COLEC10: variants seen among roughly 807,000 people sequenced by gnomAD.
The protein encoded by COLEC10 is collectin subfamily member 10, also known as collectin-10.
In COLEC10, 22 loss-of-function variants were observed where a neutral mutation model predicts 28.4. That is an observed-to-expected ratio of 0.78 (90% CI 0.55 to 1.11). The LOEUF is 1.11. Ranked by LOEUF, COLEC10 falls within the 50% of genes least tolerant of loss-of-function variation. COLEC10 has a pLI of 0.00. For missense variants in COLEC10, 361 were observed against 344.1 expected (o/e 1.05, Z -0.39); for synonymous variants, 125 against 116.1 (o/e 1.08, Z -0.49).
chr8:119,059,367 A>G (rs1361479718), intron 2 of COLEC10, among the ~76,000 whole-genome samples: 1 of 151,924 alleles, frequency 6.6e-6, no homozygotes, highest in Non-Finnish European at 1.5e-5. Context: ...GATACATTTC[A>G]GTAAATTTTT....
At chr8:119,080,843 A>T (rs1313210107) in intron 1 of COLEC10, among the ~76,000 whole-genome samples, 4 of 152,168 alleles carry the variant, frequency 2.6e-5, no homozygotes, top group South Asian at 4.1e-4. Context: ...GATGTCATAC[A>T]TACACAAATA....
chr8:118,994,477 A>G (rs553431130), upstream of COLEC10, among the ~76,000 whole-genome samples: 20 of 152,346 alleles, frequency 1.3e-4, no homozygotes, highest in African/African-American at 3.8e-4. Context: ...ACTTAGTGCT[A>G]TGTGTCAGCC....
the COLEC10 span, among the ~76,000 whole-genome samples, chr8:118,964,768 C>T: frequency 6.6e-6 from 1 of 152,164 alleles, no homozygotes; most frequent in Non-Finnish European, 1.5e-5. Flanking sequence ...CAGCCCTGTA[C>T]CCTGAACTTC....
the COLEC10 span, among the ~76,000 whole-genome samples, chr8:118,966,525 T>G: frequency 6.6e-6 from 1 of 152,184 alleles, no homozygotes; most frequent in Non-Finnish European, 1.5e-5. Context: ...CATAGCACAC[T>G]GATCCTTTGA....
At chr8:119,067,479 C>A in intron 1 of COLEC10, 50 bp downstream of exon 1, 1 of 1,545,544 alleles carries the variant, frequency 6.5e-7, no homozygotes, top group Non-Finnish European at 8.9e-7. Flanking sequence ...TGATATCTTC[C>A]CTCATCTCTG....
chr8:118,977,195 T>C, the COLEC10 span, among the ~76,000 whole-genome samples: 1 of 144,382 alleles, frequency 6.9e-6, no homozygotes, highest in African/African-American at 2.5e-5. Context: ...AGTGTGGCGA[T>C]TCCTCAGGGA....
At chr8:119,092,582 T>A (rs992316168) in intron 3 of COLEC10, among the ~76,000 whole-genome samples, 1 of 152,126 alleles carries the variant, frequency 6.6e-6, no homozygotes, top group East Asian at 1.9e-4. Context: ...AAGACATTCA[T>A]AGACTATTCA....
intron 2 of COLEC10, among the ~76,000 whole-genome samples, chr8:119,028,196 G>A (rs1814227844): frequency 6.6e-6 from 1 of 151,362 alleles, no homozygotes; most frequent in African/African-American, 2.4e-5. Context: ...AGTGTGTCTG[G>A]CATATTAAAT....
rs866395255 is a variant in COLEC10 at position 119,039,701 on chromosome 8, G to A, written n.235+30148G>A. On this transcript the variant is annotated intron_variant and non_coding_transcript_variant, in intron 2 of 6. Transcript: ENST00000521788. ...GAGTCTCTGTTCTGAAGGTTCTGGG[G>A]GACATTCCATTTCCTTGCCTTGTCT... 2.6e-4 allele frequency among the ~76,000 whole-genome samples: 39 copies of A among 152,276 alleles called. 1 individual carries two copies. Among genetic ancestry groups the A allele is most frequent in the Middle Eastern group, 6.8e-3 (2 of 294 alleles).
chr8:119,059,442 G>A (rs1263533258), intron 2 of COLEC10, among the ~76,000 whole-genome samples: 1 of 151,778 alleles, frequency 6.6e-6, no homozygotes, highest in African/African-American at 2.4e-5. Flanking sequence ...AATTTTTCCA[G>A]CATCATTTGT....
At chr8:119,020,845 A>G (rs1355071890) in intron 2 of COLEC10, among the ~76,000 whole-genome samples, 1 of 152,142 alleles carries the variant, frequency 6.6e-6, no homozygotes, top group Non-Finnish European at 1.5e-5. Flanking sequence ...CCCTTTTATT[A>G]TGCTATATTT....
chr8:119,075,868 C>T (rs1815218650), intron 1 of COLEC10, among the ~76,000 whole-genome samples: 1 of 147,796 alleles, frequency 6.8e-6, no homozygotes, highest in South Asian at 2.2e-4. Context: ...GATGTCATCT[C>T]ATCTCAAGAA....
chr8:118,970,112 G>A, the COLEC10 span, among the ~76,000 whole-genome samples: 8 of 152,024 alleles, frequency 5.3e-5, no homozygotes, highest in African/African-American at 1.7e-4. Flanking sequence ...TAATTTCAAT[G>A]AGCATTACCT....
At chr8:118,983,372 A>C in the COLEC10 span, among the ~76,000 whole-genome samples, 3 of 152,154 alleles carry the variant, frequency 2.0e-5, no homozygotes, top group Admixed American at 2.0e-4. Flanking sequence ...TTACAGTGTC[A>C]GTGTGATATG....
At chr8:119,083,032 T>C (rs1815398232) in intron 1 of COLEC10, among the ~76,000 whole-genome samples, 1 of 152,134 alleles carries the variant, frequency 6.6e-6, no homozygotes, top group Admixed American at 6.6e-5. Flanking sequence ...TATCTAGTGT[T>C]TGTACTAGTA....
chr8:118,979,566 A>T, the COLEC10 span, among the ~76,000 whole-genome samples: 1 of 152,062 alleles, frequency 6.6e-6, no homozygotes, highest in African/African-American at 2.4e-5. Context: ...GTAAACATAA[A>T]ACTAATATTT....
intron 2 of COLEC10, among the ~76,000 whole-genome samples, chr8:119,018,652 C>A (rs563407971): frequency 6.6e-6 from 1 of 152,292 alleles, no homozygotes; most frequent in South Asian, 2.1e-4. Context: ...GATGTGTAAT[C>A]AGATGATCCT....
intron 2 of COLEC10, among the ~76,000 whole-genome samples, chr8:119,030,738 G>T (rs921339689): frequency 6.6e-6 from 1 of 152,150 alleles, no homozygotes; most frequent in South Asian, 2.1e-4. Context: ...AAATTTTTAA[G>T]AAAATGTGGT....
chr8:118,992,770 C>A (rs1813523914), upstream of COLEC10, among the ~76,000 whole-genome samples: 1 of 152,012 alleles, frequency 6.6e-6, no homozygotes, highest in Non-Finnish European at 1.5e-5. Flanking sequence ...TCATACATCC[C>A]AAATTAATTA....
Sources: allele counts gnomAD v4.1 joint callset (sites outside exome capture counted in the v4.1 genomes callset), GRCh38; gene constraint gnomAD v4.1.1; transcripts MANE v1.5; gene names NCBI Gene and HGNC (gene_info 2026-07-23, HGNC 2026-07-21).